The following TMEM184B variants were observed in gnomAD, a reference collection of about 807,000 sequenced individuals.
TMEM184B encodes the protein transmembrane protein 184B.
TMEM184B carries 17 observed loss-of-function variants against 41.8 expected under a neutral mutation model. That is an observed-to-expected ratio of 0.41 (90% CI 0.28 to 0.61). The LOEUF (loss-of-function observed/expected upper bound fraction) is 0.61, where lower values mean the gene tolerates loss of function less well. Ranked by LOEUF, TMEM184B falls within the 20% of genes least tolerant of loss-of-function variation. TMEM184B has a pLI of 0.34. For missense variants in TMEM184B, 393 were observed against 557.8 expected (o/e 0.70, Z 2.98); for synonymous variants, 240 against 229.5 (o/e 1.05, Z -0.41).
chr22:38,244,972 C>T (rs1165777216), intron 3 of TMEM184B, among the ~76,000 whole-genome samples: 1 of 152,204 alleles, frequency 6.6e-6, no homozygotes, highest in Non-Finnish European at 1.5e-5. Flanking sequence ...GCTGGCTTCT[C>T]CTCTTGGCAA....
intron 3 of TMEM184B, among the ~76,000 whole-genome samples, chr22:38,244,514 T>C (rs2091981901): frequency 6.6e-6 from 1 of 151,800 alleles, no homozygotes; most frequent in Non-Finnish European, 1.5e-5. Context: ...TGGAGTGCAA[T>C]GGCACGACCT....
At chr22:38,234,291 C>G (rs979862007) in intron 3 of TMEM184B, among the ~76,000 whole-genome samples, 1 of 152,108 alleles carries the variant, frequency 6.6e-6, no homozygotes, top group Non-Finnish European at 1.5e-5. Context: ...CGGGGAAGCA[C>G]GAGCTAGCCT....
chr22:38,219,795 C>T lies in TMEM184B; in HGVS notation c.*1674G>A, dbSNP rs1402571068. 1.0e-6 allele frequency: 1 copy of T among 985,412 alleles called. No homozygotes were observed. The highest frequency in any genetic ancestry group is 1.7e-5 in the African/African-American group (1 of 57,232). 61.0% of individuals were successfully genotyped at this position (985,412 alleles called of 1,614,324 possible). On this transcript the variant is annotated 3_prime_UTR_variant, in exon 9 of 9. Coordinates refer to ENST00000361906, the MANE Select transcript of TMEM184B (RefSeq NM_012264.5). The stretch of plus-strand genomic sequence containing the variant: ...TGGCGGGGCAGGGCCAGGGCTGGTC[C>T]TCAGCCTGTGTCTGCACCCACCCTC...
chr22:38,249,262 C>T (rs2092110390), intron 1 of TMEM184B, among the ~76,000 whole-genome samples: 1 of 152,222 alleles, frequency 6.6e-6, no homozygotes, highest in African/African-American at 2.4e-5. Context: ...AATCCTCCTG[C>T]CTTAGCCTCC....
intron 1 of TMEM184B, among the ~76,000 whole-genome samples, chr22:38,262,994 T>C (rs135713): frequency 0.55 from 83,053 of 151,978 alleles, 22,984 homozygotes; most frequent in Middle Eastern, 0.64. Context: ...ACTCAGCCTC[T>C]AGGGTTCACA....
chr22:38,262,588 T>C (rs1201081327), intron 1 of TMEM184B, among the ~76,000 whole-genome samples: 6 of 152,178 alleles, frequency 3.9e-5, no homozygotes, highest in Non-Finnish European at 8.8e-5. Flanking sequence ...TTTCTGTCAG[T>C]GGGGAAGCCC....
At position 38,220,007 on chromosome 22, in the gene TMEM184B, C is replaced by A. The variant is rs897468105; in HGVS notation, c.*1462G>T. On this transcript the variant is annotated 3_prime_UTR_variant, in exon 9 of 9. Coordinates refer to ENST00000361906, the MANE Select transcript of TMEM184B (RefSeq NM_012264.5). ...TCCAGGAAGGACCAAAAGAAAGAAT[C>A]CCCAGTGAACACCGGCAGGGTCCCT... 3 of 985,348 alleles carry A rather than the reference C, an allele frequency of 3.0e-6. No homozygotes were observed. The highest frequency in any genetic ancestry group is 3.5e-5 in the African/African-American group (2 of 57,230). 61.0% of individuals were successfully genotyped at this position (985,348 alleles called of 1,614,324 possible). A position where few individuals can be genotyped will look rare whatever the true frequency, so the allele number is the denominator to read the frequency against.
In TMEM184B at chr22:38,220,553, C is replaced by T. The variant is rs1053225389; in HGVS notation, c.*916G>A. The T allele has an allele frequency of 5.0e-5, 49 of 985,828 alleles. No homozygotes were observed. The highest frequency in any genetic ancestry group is 6.1e-5 in the Admixed American group (1 of 16,276). 61.1% of individuals were successfully genotyped at this position (985,828 alleles called of 1,614,324 possible). ...CCTTCCCCCAGAAGCTGGTCTGAAA[C>T]GTGGAGACTCAGACCTTTCCCCTGA... On this transcript the variant is annotated 3_prime_UTR_variant, in exon 9 of 9. Transcript: ENST00000361906.
At chr22:38,250,448 A>G (rs916296034) in intron 1 of TMEM184B, among the ~76,000 whole-genome samples, 1 of 152,262 alleles carries the variant, frequency 6.6e-6, no homozygotes, top group African/African-American at 2.4e-5. Flanking sequence ...AAAATGGAGA[A>G]GGTGTCTATA....
chr22:38,224,948 C>G lies in TMEM184B; in HGVS notation c.819G>C (p.Gly273=), dbSNP rs1462075266. The part of the protein sequence containing the change: ...GMLLAILEKC[G]AIPKIHSARV... ...GGGCCGAGTGGATTTTGGGGATGGC[C>G]CCACACTTCTCCAGGATGGCCAGGA... Residue 273 remains glycine (G), a synonymous_variant, in exon 8 of 9, where the codon GGG becomes GGC. Coordinates refer to ENST00000361906, the MANE Select transcript of TMEM184B (RefSeq NM_012264.5). The G allele has an allele frequency of 1.3e-6, 2 of 1,594,980 alleles. No homozygotes were observed. Among genetic ancestry groups the G allele is most frequent in the African/African-American group, 2.7e-5 (2 of 74,778 alleles).
intron 5 of TMEM184B, 140 bp downstream of exon 5, chr22:38,230,529 C>G: frequency 1.3e-6 from 1 of 783,248 alleles, no homozygotes; most frequent in Non-Finnish European, 2.1e-6. Flanking sequence ...TGCCTAACAG[C>G]TTCGGGGGGT....
intron 1 of TMEM184B, among the ~76,000 whole-genome samples, chr22:38,267,591 C>A (rs1465441842): frequency 6.6e-6 from 1 of 152,082 alleles, no homozygotes; most frequent in African/African-American, 2.4e-5. Flanking sequence ...TGCCACCACA[C>A]CTGGCTGATT....
Position 38,233,754 on chromosome 22 carries a change from T to TG in TMEM184B, c.359-2421_359-2420insC, listed in dbSNP as rs199745776. On this transcript the variant is annotated intron_variant, in intron 3 of 8. Transcript: ENST00000361906. Reference sequence around the variant, plus strand: ...CTATATCATGATGGTTGTATTTTTTTTTGTTGTTTTTGTTTTTTGTTTTTG... The same window carrying TG: ...CTATATCATGATGGTTGTATTTTTTTGTTGTTGTTTTTGTTTTTTGTTTTTG... 6.4e-3 allele frequency among the ~76,000 whole-genome samples: 976 copies of TG among 151,972 alleles called. 10 individuals carry two copies. Among genetic ancestry groups the TG allele is most frequent in the African/African-American group, 0.018 (761 of 41,448 alleles).
downstream of TMEM184B, among the ~76,000 whole-genome samples, chr22:38,217,047 C>A (rs908265204): frequency 1.3e-4 from 19 of 151,850 alleles, no homozygotes; most frequent in African/African-American, 3.9e-4. Context: ...AGAAAACAGG[C>A]CGGGCGCAGT....
At position 38,245,915 on chromosome 22, in the gene TMEM184B, C is replaced by CCCCCCCCCCCCCCCCCCCA; in HGVS notation, c.358+19_358+20insTGGGGGGGGGGGGGGGGGG. On this transcript the variant is annotated intron_variant, in intron 3 of 8. Transcript: ENST00000361906. ...CCCCCAGCCCCCCGCCAGCCCTCCCCACTCCGTCCCCATCCTCACCCTCAT... is the reference window on the plus strand; with the variant it reads ...CCCCCAGCCCCCCGCCAGCCCTCCCCCCCCCCCCCCCCCCCCCCAACTCCGTCCCCATCCTCACCCTCAT... The CCCCCCCCCCCCCCCCCCCA allele has an allele frequency of 1.3e-6, 2 of 1,594,142 alleles. No homozygotes were observed. Among genetic ancestry groups the CCCCCCCCCCCCCCCCCCCA allele is most frequent in the East Asian group, 2.3e-5 (1 of 44,146 alleles).
At chr22:38,258,673 C>T (rs2145753363) in intron 1 of TMEM184B, among the ~76,000 whole-genome samples, 1 of 152,194 alleles carries the variant, frequency 6.6e-6, no homozygotes, top group South Asian at 2.1e-4. Flanking sequence ...TGCAACACCC[C>T]AAAAGCAAAC....
chr22:38,255,633 G>A (rs1423288830), intron 1 of TMEM184B, among the ~76,000 whole-genome samples: 4 of 152,210 alleles, frequency 2.6e-5, no homozygotes, highest in Non-Finnish European at 4.4e-5. Context: ...AAGAACCCAT[G>A]TACTTCAACA....
intron 1 of TMEM184B, among the ~76,000 whole-genome samples, chr22:38,270,827 A>G (rs996066652): frequency 2.6e-5 from 4 of 152,222 alleles, no homozygotes; most frequent in African/African-American, 9.6e-5. Context: ...AGGGACTGGA[A>G]ATAGCTCTGA....
At chr22:38,247,706 C>T (rs2092066766) in intron 2 of TMEM184B, 64 bp downstream of exon 2, 15 of 1,535,152 alleles carry the variant, frequency 9.8e-6, no homozygotes, top group Non-Finnish European at 1.2e-5. Flanking sequence ...TAGCCTAACC[C>T]ACACTCTGTT....
Sources: gnomAD v4.1 joint callset for allele counts (sites outside exome capture counted in the v4.1 genomes callset) on GRCh38, gnomAD v4.1.1 for gene constraint, MANE v1.5 for transcripts, NCBI Gene and HGNC (gene_info 2026-07-23, HGNC 2026-07-21) for gene names.